SLC9D1: variants seen among roughly 807,000 people sequenced by gnomAD.
SLC9D1 encodes solute carrier family 9 member D1, also known as putative LAG1-interacting protein.
chr13:113,527,164 G>A, the SLC9D1 span: 5 of 152,196 alleles, frequency 3.3e-5, no homozygotes, highest in Admixed American at 1.3e-4. Flanking sequence ...GAATACCACA[G>A]CAGATGGTGT....
chr13:113,541,915 G>A, the SLC9D1 span, among the ~76,000 whole-genome samples: 1 of 236 alleles, frequency 4.2e-3, no homozygotes, highest in Non-Finnish European at 0.016. Flanking sequence ...ATACGCACAC[G>A]ATCGCTGATC....
chr13:113,492,791 G>A, the SLC9D1 span, among the ~76,000 whole-genome samples: 4 of 152,124 alleles, frequency 2.6e-5, no homozygotes, highest in Non-Finnish European at 4.4e-5. Context: ...CCAGCTACTT[G>A]GGAGGCTGAG....
At chr13:113,530,976 G>C in the SLC9D1 span, among the ~76,000 whole-genome samples, 7 of 152,216 alleles carry the variant, frequency 4.6e-5, no homozygotes, top group African/African-American at 1.7e-4. Context: ...GTGGTGCCCA[G>C]GTTGGGAAGT....
chr13:113,543,090 ACCC>A, the SLC9D1 span, among the ~76,000 whole-genome samples: 56 of 37,244 alleles, frequency 1.5e-3, no homozygotes, highest in African/African-American at 6.3e-3. Flanking sequence ...TCTGTCTGTG[ACCC>A]CCACCTCCTC....
the SLC9D1 span, chr13:113,530,585 A>G: frequency 2.6e-5 from 4 of 152,186 alleles, no homozygotes; most frequent in Admixed American, 6.5e-5. Context: ...GAAAATTTAT[A>G]TTTAAAATAT....
the SLC9D1 span, among the ~76,000 whole-genome samples, chr13:113,531,089 A>T: frequency 1.3e-5 from 2 of 152,294 alleles, no homozygotes; most frequent in East Asian, 3.9e-4. Flanking sequence ...TCCCTTAGTG[A>T]GCACCCACTG....
chr13:113,524,429 G>A, the SLC9D1 span, among the ~76,000 whole-genome samples: 1 of 152,088 alleles, frequency 6.6e-6, no homozygotes, highest in Non-Finnish European at 1.5e-5. Flanking sequence ...CTGCCTCCTG[G>A]GTTCTAGTGA....
At chr13:113,509,475 G>A in the SLC9D1 span, among the ~76,000 whole-genome samples, 1 of 151,958 alleles carries the variant, frequency 6.6e-6, no homozygotes, top group Non-Finnish European at 1.5e-5. Flanking sequence ...CAGGCTTCTT[G>A]GGTGGGCTCT....
chr13:113,537,134 C>T, the SLC9D1 span, among the ~76,000 whole-genome samples: 1 of 152,206 alleles, frequency 6.6e-6, no homozygotes. Context: ...GGATTCTCTT[C>T]TCATTTGTAG....
chr13:113,548,468 CCG>C, the SLC9D1 span: 1 of 1,594,846 alleles, frequency 6.3e-7, no homozygotes, highest in Non-Finnish European at 8.5e-7. Flanking sequence ...TGGCTTCCCC[CCG>C]CGGAGCGCTT....
chr13:113,509,499 G>C, the SLC9D1 span, among the ~76,000 whole-genome samples: 1 of 152,110 alleles, frequency 6.6e-6, no homozygotes, highest in Non-Finnish European at 1.5e-5. Flanking sequence ...GGAGCCGCAT[G>C]TGCCCGGCTG....
At chr13:113,493,920 T>A in the SLC9D1 span, among the ~76,000 whole-genome samples, 1 of 152,232 alleles carries the variant, frequency 6.6e-6, no homozygotes, top group Admixed American at 6.5e-5. Context: ...AAGGTTTGTC[T>A]CTTTCTGTGG....
the SLC9D1 span, among the ~76,000 whole-genome samples, chr13:113,518,646 G>A: frequency 2.6e-5 from 4 of 152,222 alleles, no homozygotes; most frequent in East Asian, 1.9e-4. Flanking sequence ...CCCGTCTTGC[G>A]AAGGCTGCGA....
At chr13:113,517,322 T>A in the SLC9D1 span, among the ~76,000 whole-genome samples, 1 of 152,126 alleles carries the variant, frequency 6.6e-6, no homozygotes, top group Non-Finnish European at 1.5e-5. Context: ...AAGTTCCACC[T>A]CCCGGGTTCA....
chr13:113,512,353 G>C, the SLC9D1 span, among the ~76,000 whole-genome samples: 2 of 151,498 alleles, frequency 1.3e-5, no homozygotes, highest in South Asian at 4.2e-4. Flanking sequence ...TGTAGATGGA[G>C]AGGGTCAGTA....
At chr13:113,495,967 T>A in the SLC9D1 span, 1 of 1,613,480 alleles carries the variant, frequency 6.2e-7, no homozygotes, top group Non-Finnish European at 8.5e-7. Flanking sequence ...AAAGATGTCG[T>A]GAACATGAAG....
chr13:113,543,219 C>T, the SLC9D1 span, among the ~76,000 whole-genome samples: 1 of 78,934 alleles, frequency 1.3e-5, no homozygotes, highest in Non-Finnish European at 2.5e-5. Flanking sequence ...TCCGTGACCA[C>T]CTCCTCCCCC....
chr13:113,505,944 G>A, the SLC9D1 span: 1 of 152,596 alleles, frequency 6.6e-6, no homozygotes, highest in Non-Finnish European at 1.5e-5. Context: ...CCTGAAGACA[G>A]GCATCCTCAT....
the SLC9D1 span, among the ~76,000 whole-genome samples, chr13:113,533,148 A>C: frequency 8.8e-6 from 1 of 114,162 alleles, no homozygotes. Flanking sequence ...GCGAGCTCTG[A>C]AGGACGCTGC....
Sources: allele counts gnomAD v4.1 joint callset (sites outside exome capture counted in the v4.1 genomes callset), GRCh38; gene constraint gnomAD v4.1.1; transcripts MANE v1.5; gene names NCBI Gene and HGNC (gene_info 2026-07-23, HGNC 2026-07-21).